ODR4: variants seen among roughly 807,000 people sequenced by gnomAD.
The protein encoded by ODR4 is odr-4 GPCR localization factor homolog, also known as protein odr-4 homolog.
In ODR4, 47 loss-of-function variants were observed where a neutral mutation model predicts 60.2. The ratio of observed to expected loss-of-function variants is 0.78; its 90% CI spans 0.62 to 1.00. ODR4 has a LOEUF of 1.00. Among genes scored for constraint, ODR4 ranks in the 50% least tolerant of loss-of-function variants. ODR4 has a pLI of 0.00. For missense variants in ODR4, 488 were observed against 530.8 expected (o/e 0.92, Z 0.79); for synonymous variants, 178 against 175.5 (o/e 1.01, Z -0.11).
the ODR4 span, among the ~76,000 whole-genome samples, chr1:186,432,761 C>G: frequency 6.6e-6 from 1 of 151,594 alleles, no homozygotes; most frequent in Non-Finnish European, 1.5e-5. Flanking sequence ...ATAGCCACCA[C>G]ACCCCCTGCA....
chr1:186,431,879 C>T, the ODR4 span, among the ~76,000 whole-genome samples: 408 of 152,034 alleles, frequency 2.7e-3, 4 homozygotes, highest in African/African-American at 9.5e-3. Context: ...AGTATTAAGG[C>T]GAAGGGCAAG....
At chr1:186,393,367 T>G (rs897611218) in intron 8 of ODR4, among the ~76,000 whole-genome samples, 2 of 152,224 alleles carry the variant, frequency 1.3e-5, no homozygotes, top group Non-Finnish European at 2.9e-5. Flanking sequence ...TTCATCTGAT[T>G]TCCAAATTGT....
At chr1:186,395,965 C>T (rs1448533681) in intron 9 of ODR4, among the ~76,000 whole-genome samples, 1 of 152,082 alleles carries the variant, frequency 6.6e-6, no homozygotes, top group East Asian at 1.9e-4. Flanking sequence ...TTATTTTCTA[C>T]CTCTTATTTT....
At chr1:186,414,110 A>T (rs1233710053) in intron 12 of ODR4, among the ~76,000 whole-genome samples, 1 of 152,196 alleles carries the variant, frequency 6.6e-6, no homozygotes, top group Non-Finnish European at 1.5e-5. Context: ...TTGGTTTAAA[A>T]ATCCTACAAG....
intron 1 of ODR4, 144 bp from the exon 2 acceptor site, chr1:186,379,623 G>T (rs1481371050): frequency 6.1e-6 from 3 of 488,258 alleles, no homozygotes; most frequent in Non-Finnish European, 1.1e-5. Context: ...TTGCAAGAAG[G>T]AATACACTAT....
At chr1:186,434,669 T>C in the ODR4 span, among the ~76,000 whole-genome samples, 330 of 152,316 alleles carry the variant, frequency 2.2e-3, 2 homozygotes, top group African/African-American at 7.3e-3. Flanking sequence ...GACATCTTTA[T>C]TTATTTTTAA....
chr1:186,402,048 ATTTC>A (rs1443230802), intron 11 of ODR4, among the ~76,000 whole-genome samples: 1 of 151,174 alleles, frequency 6.6e-6, no homozygotes, highest in Non-Finnish European at 1.5e-5. Flanking sequence ...CAGGTTTTCT[ATTTC>A]TTCTTGTTTT....
At chr1:186,396,362 A>G (rs1490601427) in intron 9 of ODR4, among the ~76,000 whole-genome samples, 1 of 152,102 alleles carries the variant, frequency 6.6e-6, no homozygotes, top group Non-Finnish European at 1.5e-5. Flanking sequence ...TAATCCCAGC[A>G]CTTTGGGAGG....
chr1:186,419,946 C>T lies in ODR4; in HGVS notation c.*870C>T, dbSNP rs1661719042. 2 of 152,010 alleles carry T rather than the reference C, an allele frequency of 1.3e-5. No individual in the cohort carries two copies. The highest frequency in any genetic ancestry group is 2.1e-4 in the South Asian group (1 of 4,818). The allele number at this position is 152,010 out of a possible 1,614,324, so 9.4% of individuals were successfully genotyped here. On this transcript the variant is annotated 3_prime_UTR_variant, in exon 14 of 14. Transcript: ENST00000287859. ...GAGAAGTCCCATTAGTAAGAAATGA[C>T]ATAAAATACGTGCTTTCTCAGGTTA...
At chr1:186,398,718 T>C (rs2102054785) in intron 10 of ODR4, among the ~76,000 whole-genome samples, 1 of 152,310 alleles carries the variant, frequency 6.6e-6, no homozygotes, top group East Asian at 1.9e-4. Context: ...AATTATTTTT[T>C]TAGATGTGAA....
At chr1:186,399,191 T>C (rs1660819143) in intron 11 of ODR4, 147 bp downstream of exon 11, 1 of 705,102 alleles carries the variant, frequency 1.4e-6, no homozygotes, top group Non-Finnish European at 2.5e-6. Flanking sequence ...TGAAAATTTT[T>C]CAGTTGCTAC....
Position 186,379,862 on chromosome 1 carries a change from T to C in ODR4, c.77T>C (p.Val26Ala). 1 of 1,604,964 alleles carries C rather than the reference T, an allele frequency of 6.2e-7. No homozygotes were observed. The highest frequency in any genetic ancestry group is 8.5e-7 in the Non-Finnish European group (1 of 1,174,590). ...SNINLQGKAF[V>A]SGLLIGQCSS... is the part of the protein sequence containing the mutation. ...ATAAATCTCCAAGGAAAGGCTTTTGTCTCTGGCCTTTTAATAGGACAGGTA... is the reference window on the plus strand; with the variant it reads ...ATAAATCTCCAAGGAAAGGCTTTTGCCTCTGGCCTTTTAATAGGACAGGTA... The change falls in exon 2 of 14, where the codon GTC becomes GCC. Residue 26 changes from valine (V) to alanine (A), a missense_variant. Val to Ala is a moderately conservative substitution (Grantham distance 64, BLOSUM62 0). Transcript: ENST00000287859.
At chr1:186,400,691 G>T in intron 11 of ODR4, 1 of 218,642 alleles carries the variant, frequency 4.6e-6, no homozygotes, top group Non-Finnish European at 8.9e-6. Flanking sequence ...AAGTTTGATG[G>T]ACTAATTATA....
intron 4 of ODR4, among the ~76,000 whole-genome samples, chr1:186,387,206 A>G (rs1660286357): frequency 6.6e-6 from 1 of 152,120 alleles, no homozygotes; most frequent in South Asian, 2.1e-4. Flanking sequence ...AGCCTTTGAT[A>G]TTTGCACCTA....
chr1:186,383,623 C>T (rs1660125623), intron 3 of ODR4, among the ~76,000 whole-genome samples: 1 of 149,704 alleles, frequency 6.7e-6, no homozygotes, highest in South Asian at 2.1e-4. Context: ...TTTCCTTTTC[C>T]AATCAACTTT....
chr1:186,396,767 A>G (rs1415871133), intron 9 of ODR4, among the ~76,000 whole-genome samples: 9 of 150,824 alleles, frequency 6.0e-5, no homozygotes, highest in African/African-American at 2.2e-4. Flanking sequence ...ATATATGTAT[A>G]TACACACATA....
Position 186,415,100 on chromosome 1 carries a change from G to A in ODR4, c.1187-2444G>A, listed in dbSNP as rs562725554. On this transcript the variant is annotated intron_variant, in intron 12 of 13. Coordinates refer to ENST00000287859, the MANE Select transcript of ODR4 (RefSeq NM_017847.6). ...TTTGATATGAGAATAGAAAAAAAAAGGGGGGAGGGTTTTTTTGTTTTTTGT... is the reference window on the plus strand; with the variant it reads ...TTTGATATGAGAATAGAAAAAAAAAAGGGGGAGGGTTTTTTTGTTTTTTGT... 6.9e-3 allele frequency among the ~76,000 whole-genome samples: 1,027 copies of A among 149,812 alleles called. 16 individuals are homozygous for A. Among genetic ancestry groups the A allele is most frequent in the African/African-American group, 0.024 (988 of 41,414 alleles).
At chr1:186,381,574 G>T (rs541245372) in intron 2 of ODR4, among the ~76,000 whole-genome samples, 2 of 152,128 alleles carry the variant, frequency 1.3e-5, no homozygotes, top group African/African-American at 4.8e-5. Flanking sequence ...TGATCCGCCT[G>T]CCTCGGCCTC....
chr1:186,425,620 C>T (rs140488214), downstream of ODR4, among the ~76,000 whole-genome samples: 1 of 152,274 alleles, frequency 6.6e-6, no homozygotes, highest in African/African-American at 2.4e-5. Flanking sequence ...CCCTTAACTA[C>T]CTTAGATACT....
Sources: gnomAD v4.1 joint callset for allele counts (sites outside exome capture counted in the v4.1 genomes callset) on GRCh38, gnomAD v4.1.1 for gene constraint, MANE v1.5 for transcripts, NCBI Gene and HGNC (gene_info 2026-07-23, HGNC 2026-07-21) for gene names.